AAK1: variants seen among roughly 807,000 people sequenced by gnomAD.
AAK1 encodes AP2-associated protein kinase 1.
AAK1 carries 37 observed loss-of-function variants against 116.0 expected under a neutral mutation model. The observed-to-expected ratio is 0.32, with a 90% CI of 0.25 to 0.42. The LOEUF is 0.42. Among genes scored for constraint, AAK1 ranks in the 10% least tolerant of loss-of-function variants. The probability of loss-of-function intolerance (pLI) is 1.00; values close to 1 mark genes in which losing one functional copy is unlikely to be tolerated. For synonymous variants in AAK1, 458 were observed against 439.9 expected (o/e 1.04, Z -0.51); for missense variants, 919 against 1,170.6 (o/e 0.79, Z 3.14).
rs547829293 is a variant in AAK1, at chr2:69,548,561, TTTTC to T, written c.283-4021_283-4018del. 7.4e-3 allele frequency among the ~76,000 whole-genome samples: 1,116 copies of T among 151,240 alleles called. 11 individuals carry two copies. Among genetic ancestry groups the T allele is most frequent in the African/African-American group, 0.02 (832 of 41,168 alleles). On this transcript the variant is annotated intron_variant, in intron 3 of 21. Transcript: ENST00000409085. Reference sequence around the variant, plus strand: ...CTCTTCCTTCCTTCCTCTTTCTTTCTTTTCTTTCTTTCTTTCTCTCTCTCTCTCT... The same window carrying T: ...CTCTTCCTTCCTTCCTCTTTCTTTCTTTTCTTTCTTTCTCTCTCTCTCTCT...
chr2:69,566,614 G>A (rs935850085), intron 2 of AAK1, among the ~76,000 whole-genome samples: 1 of 152,174 alleles, frequency 6.6e-6, no homozygotes, highest in Non-Finnish European at 1.5e-5. Flanking sequence ...CCTGGCTATT[G>A]GTTCTTTCTC....
chr2:69,529,945 T>A, intron 8 of AAK1, 63 bp downstream of exon 8: 1 of 1,356,518 alleles, frequency 7.4e-7, no homozygotes, highest in Non-Finnish European at 9.9e-7. Flanking sequence ...AATCCCTTTA[T>A]CCCCCAATTC....
intron 16 of AAK1, among the ~76,000 whole-genome samples, chr2:69,505,107 C>T (rs1676128081): frequency 2.7e-5 from 4 of 145,692 alleles, no homozygotes; most frequent in South Asian, 4.5e-4. Context: ...TTCTCCCCAA[C>T]AGCGTGCGTG....
chr2:69,578,838 C>T (rs868844822), intron 2 of AAK1, among the ~76,000 whole-genome samples: 125 of 148,422 alleles, frequency 8.4e-4, no homozygotes, highest in Middle Eastern at 3.4e-3. Context: ...GAGTCTCGCT[C>T]TGTCGCCCAG....
Position 69,465,283 on chromosome 2 carries a change from G to C in AAK1, c.*10586C>G. 1 of 707,254 alleles carries C rather than the reference G, an allele frequency of 1.4e-6. No homozygotes were observed. The highest frequency in any genetic ancestry group is 2.0e-6 in the Non-Finnish European group (1 of 505,424). 43.8% of individuals were successfully genotyped at this position (707,254 alleles called of 1,614,324 possible). A position where few individuals can be genotyped will look rare whatever the true frequency, so the allele number is the denominator to read the frequency against. Reference sequence around the variant, plus strand: ...AAATATCACTGCAACTGAGTTTGTTGACTCAAGAAATTCTGCTCTGACGCA... The same window carrying C: ...AAATATCACTGCAACTGAGTTTGTTCACTCAAGAAATTCTGCTCTGACGCA... On this transcript the variant is annotated 3_prime_UTR_variant, in exon 22 of 22. Transcript: ENST00000409085.
rs996605980 is a variant in AAK1, at chr2:69,460,353, G to C, written c.*15516C>G. On this transcript the variant is annotated 3_prime_UTR_variant, in exon 22 of 22. Coordinates refer to ENST00000409085, the MANE Select transcript of AAK1 (RefSeq NM_014911.5). Reference sequence around the variant, plus strand: ...GATATACTGCATATATATTATATCTGATATATGTTTTGATTATTTTTCTTT... The same window carrying C: ...GATATACTGCATATATATTATATCTCATATATGTTTTGATTATTTTTCTTT... 3 of 152,486 alleles carry C rather than the reference G, an allele frequency of 2.0e-5. No individual in the cohort carries two copies. Among genetic ancestry groups the C allele is most frequent in the African/African-American group, 7.3e-5 (3 of 41,368 alleles). The allele number at this position is 152,486 out of a possible 1,614,324, so 9.4% of individuals were successfully genotyped here.
chr2:69,465,558 A>G lies in AAK1; in HGVS notation c.*10311T>C, dbSNP rs1173125435. 1 of 1,290,810 alleles carries G rather than the reference A, an allele frequency of 7.7e-7. No homozygotes were observed. The highest frequency in any genetic ancestry group is 1.0e-6 in the Non-Finnish European group (1 of 988,894). 80.0% of individuals were successfully genotyped at this position (1,290,810 alleles called of 1,614,324 possible). ...TATCGACTGCTTGTTGGTTTGTGAA[A>G]CAATTTTGTAGGCAGCAATGGGCTG... On this transcript the variant is annotated 3_prime_UTR_variant, in exon 22 of 22. Transcript: ENST00000409085.
chr2:69,582,386 CGTGTGTGTGTGCGTGT>C (rs1672585380), intron 2 of AAK1, among the ~76,000 whole-genome samples: 1 of 144,516 alleles, frequency 6.9e-6, no homozygotes, highest in South Asian at 2.1e-4. Context: ...TGTGTGTGCA[CGTGTGTGTGTGCGTGT>C]GTGTGCGCGT....
In AAK1 at chr2:69,464,749, T is replaced by C. The variant is rs1414712874; in HGVS notation, c.*11120A>G. The C allele has an allele frequency of 6.6e-6, 1 of 152,580 alleles. No homozygotes were observed. The highest frequency in any genetic ancestry group is 1.5e-5 in the Non-Finnish European group (1 of 68,126). The allele number at this position is 152,580 out of a possible 1,614,324, so 9.5% of individuals were successfully genotyped here. The stretch of plus-strand genomic sequence containing the variant: ...TGACTAGACATGAGGAGTTAGCCCA[T>C]CTGCCTGTATCTCTACACAGGCTCT... On this transcript the variant is annotated 3_prime_UTR_variant, in exon 22 of 22. Transcript: ENST00000409085.
chr2:69,570,415 T>C (rs987997387), intron 2 of AAK1, among the ~76,000 whole-genome samples: 5 of 152,040 alleles, frequency 3.3e-5, no homozygotes, highest in Non-Finnish European at 7.4e-5. Context: ...CTCTATTTTG[T>C]TGCACTTATC....
chr2:69,487,474 C>T (rs972806678), intron 17 of AAK1, among the ~76,000 whole-genome samples: 1 of 152,192 alleles, frequency 6.6e-6, no homozygotes, highest in Non-Finnish European at 1.5e-5. Context: ...AATCACGCTT[C>T]ACATCAGCAT....
intron 2 of AAK1, among the ~76,000 whole-genome samples, chr2:69,574,952 C>T (rs1672241200): frequency 6.6e-6 from 1 of 150,790 alleles, no homozygotes; most frequent in African/African-American, 2.4e-5. Flanking sequence ...TGTGCCACTG[C>T]ACTCCAGCCT....
intron 2 of AAK1, among the ~76,000 whole-genome samples, chr2:69,615,432 A>G (rs1322749624): frequency 6.6e-6 from 1 of 152,246 alleles, no homozygotes; most frequent in Non-Finnish European, 1.5e-5. Context: ...CTCAAAAGAT[A>G]AAGACAGACC....
rs1458279799 is a variant in AAK1 at position 69,466,826 on chromosome 2, G to A, written c.*9043C>T. ...CAGACATTCAGCGTAACTATGCAATGCTCCTACACACAGGGCCAGGCACGG... is the reference window on the plus strand; with the variant it reads ...CAGACATTCAGCGTAACTATGCAATACTCCTACACACAGGGCCAGGCACGG... On this transcript the variant is annotated 3_prime_UTR_variant, in exon 22 of 22. Transcript: ENST00000409085. The A allele has an allele frequency of 1.0e-6, 1 of 985,312 alleles. No individual in the cohort carries two copies. Among genetic ancestry groups the A allele is most frequent in the East Asian group, 1.1e-4 (1 of 8,830 alleles). 61.0% of individuals were successfully genotyped at this position (985,312 alleles called of 1,614,324 possible).
rs1674451474 is a variant in AAK1, at chr2:69,465,330, GATA to G, written c.*10536_*10538del. 8 of 1,085,408 alleles carry G rather than the reference GATA, an allele frequency of 7.4e-6. No homozygotes were observed. The highest frequency in any genetic ancestry group is 1.6e-5 in the South Asian group (1 of 62,114). The allele number at this position is 1,085,408 out of a possible 1,614,324, so 67.2% of individuals were successfully genotyped here. A position where few individuals can be genotyped will look rare whatever the true frequency, so the allele number is the denominator to read the frequency against. On this transcript the variant is annotated 3_prime_UTR_variant, in exon 22 of 22. Transcript: ENST00000409085. ...CGCAGGGAATTGAAATATAAGAACTGATAATATTTCTTCTTCAGAAGGCTAAGC... is the reference window on the plus strand; with the variant it reads ...CGCAGGGAATTGAAATATAAGAACTGATATTTCTTCTTCAGAAGGCTAAGC...
intron 2 of AAK1, among the ~76,000 whole-genome samples, chr2:69,580,068 A>G (rs984400272): frequency 2.0e-5 from 3 of 152,004 alleles, no homozygotes. Flanking sequence ...TCTCCCCAAT[A>G]TCCAACTAAC....
intron 2 of AAK1, among the ~76,000 whole-genome samples, chr2:69,632,606 CAATG>C (rs1197655356): frequency 6.6e-6 from 1 of 152,234 alleles, no homozygotes; most frequent in Admixed American, 6.5e-5. Flanking sequence ...TTCTTAGAAT[CAATG>C]AACTAGCGCC....
intron 17 of AAK1, among the ~76,000 whole-genome samples, chr2:69,490,243 A>G (rs1051499760): frequency 6.6e-6 from 1 of 152,186 alleles, no homozygotes; most frequent in African/African-American, 2.4e-5. Flanking sequence ...GCCTCTATGG[A>G]AAACAGTGGT....
At chr2:69,502,160 T>C (rs1676002097) in intron 16 of AAK1, among the ~76,000 whole-genome samples, 1 of 151,884 alleles carries the variant, frequency 6.6e-6, no homozygotes, top group African/African-American at 2.4e-5. Flanking sequence ...TACACAGATA[T>C]TAAAAGATAT....
Sources: gnomAD v4.1 joint callset for allele counts (sites outside exome capture counted in the v4.1 genomes callset) on GRCh38, gnomAD v4.1.1 for gene constraint, MANE v1.5 for transcripts, NCBI Gene and HGNC (gene_info 2026-07-23, HGNC 2026-07-21) for gene names.